The following AKAP8 variants were observed in gnomAD, a reference collection of about 807,000 sequenced individuals.
AKAP8 encodes A-kinase anchor protein 8.
In AKAP8, 24 loss-of-function variants were observed where a neutral mutation model predicts 67.5. The observed-to-expected ratio is 0.36, with a 90% CI of 0.26 to 0.50. AKAP8 has a LOEUF of 0.50. Ranked by LOEUF, AKAP8 falls within the 20% of genes least tolerant of loss-of-function variation. The pLI is 0.97. For missense variants in AKAP8, 971 were observed against 955.9 expected (o/e 1.02, Z -0.21); for synonymous variants, 400 against 371.1 (o/e 1.08, Z -0.90).
chr19:15,378,439 G>C (rs1967295701), intron 1 of AKAP8, among the ~76,000 whole-genome samples: 1 of 151,974 alleles, frequency 6.6e-6, no homozygotes, highest in Admixed American at 6.6e-5. Flanking sequence ...TAGGAAGAGG[G>C]GGTAAAAAAA....
chr19:15,379,396 G>A (rs1967327664), intron 1 of AKAP8: 2 of 358,834 alleles, frequency 5.6e-6, no homozygotes, highest in Admixed American at 4.8e-5. Flanking sequence ...GGGCCGGAAG[G>A]ACTCCGCCGA....
Position 15,354,112 on chromosome 19 carries a change from G to A in AKAP8, c.*803C>T, listed in dbSNP as rs2145054468. On this transcript the variant is annotated 3_prime_UTR_variant, in exon 14 of 14. Coordinates refer to ENST00000269701, the MANE Select transcript of AKAP8 (RefSeq NM_005858.4). ...TATCCTCTCACCACGGCCTCCCGAA[G>A]TGCTGGGATTATAGGTATGCATCAC... 6.6e-6 allele frequency: 1 copy of A among 151,932 alleles called. No homozygotes were observed. Among genetic ancestry groups the A allele is most frequent in the East Asian group, 1.9e-4 (1 of 5,174 alleles). The allele number at this position is 151,932 out of a possible 1,614,324, so 9.4% of individuals were successfully genotyped here. A position where few individuals can be genotyped will look rare whatever the true frequency, so the allele number is the denominator to read the frequency against.
At chr19:15,362,603 G>C (rs1194436746) in intron 9 of AKAP8, among the ~76,000 whole-genome samples, 3 of 149,972 alleles carry the variant, frequency 2.0e-5, no homozygotes, top group African/African-American at 7.3e-5. Context: ...CGAGTGATCC[G>C]CCAGCCTCGG....
chr19:15,358,333 T>C lies in AKAP8; in HGVS notation c.1623+634A>G, dbSNP rs116126046. 3.6e-3 allele frequency among the ~76,000 whole-genome samples: 546 copies of C among 152,088 alleles called. 4 individuals are homozygous for C. The highest frequency in any genetic ancestry group is 0.013 in the African/African-American group (528 of 41,506). ...TGAAATCTCTTTTTAGCTTCTCTCC[T>C]GGAAAATTCTCATGTACCTTGGATT... is the stretch of plus-strand genomic sequence containing the variant. On this transcript the variant is annotated intron_variant, in intron 13 of 13. Coordinates refer to ENST00000269701, the MANE Select transcript of AKAP8 (RefSeq NM_005858.4).
chr19:15,361,994 A>G (rs1966974369), intron 10 of AKAP8, 116 bp downstream of exon 10: 2 of 1,460,966 alleles, frequency 1.4e-6, no homozygotes, highest in South Asian at 1.3e-5. Flanking sequence ...CAGCTACTCT[A>G]TCTGGGAAAG....
Position 15,361,840 on chromosome 19 carries a change from G to C in AKAP8, c.1303-18C>G, listed in dbSNP as rs375971765. Reference sequence around the variant, plus strand: ...ATGTATTCCTAGGTGGGATTGGAGAGGGCATAAAGTAAAATGAGAGGTGGG... The same window carrying C: ...ATGTATTCCTAGGTGGGATTGGAGACGGCATAAAGTAAAATGAGAGGTGGG... On this transcript the variant is annotated intron_variant, in intron 10 of 13. Coordinates refer to ENST00000269701, the MANE Select transcript of AKAP8 (RefSeq NM_005858.4). 7.5e-6 allele frequency: 12 copies of C among 1,602,130 alleles called. No homozygotes were observed. Among genetic ancestry groups the C allele is most frequent in the African/African-American group, 6.7e-5 (5 of 74,676 alleles).
intron 9 of AKAP8, among the ~76,000 whole-genome samples, chr19:15,367,563 T>C (rs1313030747): frequency 6.6e-6 from 1 of 152,146 alleles, no homozygotes; most frequent in Non-Finnish European, 1.5e-5. Flanking sequence ...CACTGTCCCA[T>C]GTGAACCTTA....
chr19:15,359,424 C>CG, intron 12 of AKAP8, among the ~76,000 whole-genome samples: 1 of 152,184 alleles, frequency 6.6e-6, no homozygotes, highest in Non-Finnish European at 1.5e-5. Context: ...AGTTCAACAA[C>CG]AAAAGTATGA....
At chr19:15,370,625 CTTTTTTTT>C (rs71176407) in intron 7 of AKAP8, among the ~76,000 whole-genome samples, 7 of 80,958 alleles carry the variant, frequency 8.6e-5, no homozygotes, top group Admixed American at 7.2e-4. Context: ...TACCCAATGT[CTTTTTTTT>C]TTTTTTTTTT....
chr19:15,376,868 G>C lies in AKAP8; in HGVS notation c.58+108C>G, dbSNP rs963981847. ...CTATCTGATCTTTTACACAAAGTTT[G>C]CTGACCCCTGGGCTACTACTCTCCC... On this transcript the variant is annotated intron_variant, in intron 2 of 13. Coordinates refer to ENST00000269701, the MANE Select transcript of AKAP8 (RefSeq NM_005858.4). The C allele has an allele frequency of 5.5e-6, 7 of 1,284,286 alleles. No individual in the cohort carries two copies. In the Admixed American group the frequency reaches 1.5e-4, roughly 28 times the overall value. 79.6% of individuals were successfully genotyped at this position (1,284,286 alleles called of 1,614,324 possible). A position where few individuals can be genotyped will look rare whatever the true frequency, so the allele number is the denominator to read the frequency against.
chr19:15,371,212 G>C (rs1967151778), intron 7 of AKAP8, among the ~76,000 whole-genome samples: 1 of 151,380 alleles, frequency 6.6e-6, no homozygotes, highest in Non-Finnish European at 1.5e-5. Context: ...CCTCCAACTT[G>C]GATCAGAATC....
intron 7 of AKAP8, among the ~76,000 whole-genome samples, chr19:15,370,991 T>C (rs1967147922): frequency 3.3e-5 from 5 of 152,218 alleles, no homozygotes; most frequent in Admixed American, 2.6e-4. Flanking sequence ...ACTGAGAATC[T>C]GAACAGAGCT....
At chr19:15,363,115 C>T (rs1237167378) in intron 9 of AKAP8, among the ~76,000 whole-genome samples, 69 of 149,848 alleles carry the variant, frequency 4.6e-4, no homozygotes, top group Middle Eastern at 3.5e-3. Flanking sequence ...GGAGCCCCTC[C>T]GCCCGGCAGC....
At chr19:15,356,744 C>T (rs1191708334) in intron 13 of AKAP8, among the ~76,000 whole-genome samples, 7 of 152,324 alleles carry the variant, frequency 4.6e-5, no homozygotes, top group South Asian at 2.1e-4. Flanking sequence ...AAGGTGCTCA[C>T]GCCTGTAACC....
chr19:15,361,127 C>T (rs932764412), intron 11 of AKAP8, 149 bp from the exon 12 acceptor site: 116 of 1,005,728 alleles, frequency 1.2e-4, no homozygotes, highest in Non-Finnish European at 9.9e-5. Flanking sequence ...GTCAGCACAT[C>T]GGCCTCTATA....
chr19:15,374,580 A>G, intron 3 of AKAP8, 23 bp downstream of exon 3: 6 of 1,552,492 alleles, frequency 3.9e-6, no homozygotes, highest in Non-Finnish European at 4.4e-6. Flanking sequence ...CCGCCCACAG[A>G]CCCCCCCCAC....
At chr19:15,371,496 T>TC (rs1002647427) in intron 7 of AKAP8, among the ~76,000 whole-genome samples, 3 of 151,954 alleles carry the variant, frequency 2.0e-5, no homozygotes, top group Non-Finnish European at 4.4e-5. Context: ...GAAAACTTTT[T>TC]TTTTTTTTTT....
chr19:15,360,476 T>C (rs1966947017), intron 12 of AKAP8, among the ~76,000 whole-genome samples: 1 of 152,170 alleles, frequency 6.6e-6, no homozygotes, highest in Admixed American at 6.5e-5. Context: ...GCTCAACATT[T>C]AGCCTGAAGC....
At chr19:15,364,561 G>A (rs577296277) in intron 9 of AKAP8, among the ~76,000 whole-genome samples, 2 of 152,234 alleles carry the variant, frequency 1.3e-5, no homozygotes, top group South Asian at 4.1e-4. Flanking sequence ...ATGGTGGCTA[G>A]GTTGGTCTCG....
Sources: gnomAD v4.1 joint callset for allele counts (sites outside exome capture counted in the v4.1 genomes callset) on GRCh38, gnomAD v4.1.1 for gene constraint, MANE v1.5 for transcripts, NCBI Gene and HGNC (gene_info 2026-07-23, HGNC 2026-07-21) for gene names.